Variants in TRIM25 observed in about 807,000 individuals in gnomAD.
TRIM25 encodes the protein tripartite motif containing 25.
In TRIM25, 45 loss-of-function variants were observed where a neutral mutation model predicts 65.2. The observed-to-expected ratio is 0.69, with a 90% CI of 0.54 to 0.89. TRIM25 has a LOEUF of 0.89. Ranked by LOEUF, TRIM25 falls within the 40% of genes least tolerant of loss-of-function variation. The pLI is 0.00. For missense variants in TRIM25, 714 were observed against 803.7 expected (o/e 0.89, Z 1.35); for synonymous variants, 321 against 340.4 (o/e 0.94, Z 0.63).
intron 2 of TRIM25, 127 bp downstream of exon 2, chr17:56,908,341 A>G: frequency 2.2e-6 from 2 of 901,420 alleles, no homozygotes; most frequent in Non-Finnish European, 3.5e-6. Context: ...TGCAAGGTTG[A>G]TGTTTCATCC....
intron 2 of TRIM25, among the ~76,000 whole-genome samples, chr17:56,906,227 C>T (rs1354060394): frequency 6.6e-6 from 1 of 152,130 alleles, no homozygotes; most frequent in East Asian, 1.9e-4. Flanking sequence ...CAGGGTTTGA[C>T]CTCCTTCTTC....
At chr17:56,912,137 G>A (rs915130843) in intron 1 of TRIM25, 2 of 152,238 alleles carry the variant, frequency 1.3e-5, no homozygotes, top group African/African-American at 4.8e-5. Context: ...CTGACAACAC[G>A]AAGACGGGTC....
chr17:56,895,513 T>C lies in TRIM25; in HGVS notation c.1264+8A>G. 1 of 1,613,384 alleles carries C rather than the reference T, an allele frequency of 6.2e-7. No homozygotes were observed. The highest frequency in any genetic ancestry group is 1.1e-5 in the South Asian group (1 of 91,032). On this transcript the variant is annotated splice_region_variant and intron_variant, in intron 7 of 8. Coordinates refer to ENST00000316881, the MANE Select transcript of TRIM25 (RefSeq NM_005082.5). ...ACACCCCAAAGCTCCTTGCCCATGA[T>C]AACTTACCCTCCAAGCCAGCTTGTT...
chr17:56,897,651 GATTCATTCCC>G (rs1365072915), intron 5 of TRIM25, among the ~76,000 whole-genome samples: 1 of 152,088 alleles, frequency 6.6e-6, no homozygotes, highest in African/African-American at 2.4e-5. Context: ...GAGGAGCCTT[GATTCATTCCC>G]GAACTTTATT....
At chr17:56,910,897 G>A (rs1198547464) in intron 1 of TRIM25, among the ~76,000 whole-genome samples, 1 of 152,226 alleles carries the variant, frequency 6.6e-6, no homozygotes, top group Non-Finnish European at 1.5e-5. Flanking sequence ...TCAAAAAGCA[G>A]ACCTGTTATA....
chr17:56,913,325 C>G lies in TRIM25; in HGVS notation c.597+67G>C. ...GCGTCCAGAGTGTGGCAGAGAGGCC[C>G]CCGGTGGCCCCTCTGCACCACCCAT... On this transcript the variant is annotated intron_variant, in intron 1 of 8. Coordinates refer to ENST00000316881, the MANE Select transcript of TRIM25 (RefSeq NM_005082.5). The surrounding 1 kb of genome is among the most constrained non-coding windows in gnomAD (Gnocchi z 6.1). 1.4e-6 allele frequency: 2 copies of G among 1,423,100 alleles called. No individual in the cohort carries two copies. The highest frequency in any genetic ancestry group is 1.4e-5 in the African/African-American group (1 of 69,012). 88.2% of individuals were successfully genotyped at this position (1,423,100 alleles called of 1,614,324 possible). A position where few individuals can be genotyped will look rare whatever the true frequency, so the allele number is the denominator to read the frequency against.
At chr17:56,910,137 C>T (rs1909598728) in intron 1 of TRIM25, among the ~76,000 whole-genome samples, 1 of 151,868 alleles carries the variant, frequency 6.6e-6, no homozygotes, top group South Asian at 2.1e-4. Flanking sequence ...CATGCCCAAA[C>T]TGAGCATGCT....
chr17:56,902,161 A>C (rs1411890993), intron 3 of TRIM25, among the ~76,000 whole-genome samples: 1 of 152,196 alleles, frequency 6.6e-6, no homozygotes, highest in Admixed American at 6.5e-5. Context: ...ACAGGAATGA[A>C]CACTTGGGAT....
At position 56,905,569 on chromosome 17, in the gene TRIM25, A is replaced by G. The variant is rs78645128; in HGVS notation, c.694-1081T>C. Among the ~76,000 whole-genome samples the G allele has an allele frequency of 5.8e-4, 88 of 152,284 alleles. No individual in the cohort carries two copies. The East Asian group carries it at 0.016, about 28-fold the overall frequency. ...ACTGGCTTTCAAGGGTTTCACACCAAAAAAAGGAATGTAAAATATCTTAAA... is the reference window on the plus strand; with the variant it reads ...ACTGGCTTTCAAGGGTTTCACACCAGAAAAAGGAATGTAAAATATCTTAAA... On this transcript the variant is annotated intron_variant, in intron 2 of 8. Coordinates refer to ENST00000316881, the MANE Select transcript of TRIM25 (RefSeq NM_005082.5).
chr17:56,908,307 A>C (rs1909559281), intron 2 of TRIM25, among the ~76,000 whole-genome samples, 161 bp downstream of exon 2: 1 of 152,224 alleles, frequency 6.6e-6, no homozygotes, highest in Admixed American at 6.5e-5. Flanking sequence ...GATCTCTCTC[A>C]GACACACAGC....
In TRIM25 at chr17:56,892,129, G is replaced by T; in HGVS notation, c.1464C>A (p.Tyr488Ter). 6.2e-7 allele frequency: 1 copy of T among 1,614,198 alleles called. No individual in the cohort carries two copies. The highest frequency in any genetic ancestry group is 8.5e-7 in the Non-Finnish European group (1 of 1,180,040). ...ATGTGAACCTCTGGGGATGCGGCCG[G>T]TAGTTCTGAGGCATCTCAGCCACAG... ...VASVAEMPQN[Y>*]RPHPQRFTYC... The change falls in exon 9 of 9, where the codon TAC becomes TAA. Residue 488 changes from tyrosine to a stop codon, truncating the protein, a stop_gained. Transcript: ENST00000316881. LOFTEE classifies it high-confidence loss of function.
chr17:56,894,096 C>A (rs1465779261), intron 8 of TRIM25, among the ~76,000 whole-genome samples: 1 of 152,188 alleles, frequency 6.6e-6, no homozygotes, highest in Non-Finnish European at 1.5e-5. Context: ...TTGAGAGCCA[C>A]CAATGTAGAA....
At chr17:56,912,611 C>T (rs1249258615) in intron 1 of TRIM25, 5 of 152,276 alleles carry the variant, frequency 3.3e-5, no homozygotes, top group Non-Finnish European at 7.3e-5. Context: ...GGATACGAGG[C>T]TGGTCCATGG....
intron 8 of TRIM25, among the ~76,000 whole-genome samples, chr17:56,892,783 C>T (rs1163361580): frequency 6.6e-6 from 1 of 152,198 alleles, no homozygotes; most frequent in African/African-American, 2.4e-5. Flanking sequence ...GATTCTGGCA[C>T]AAGATGCACA....
At chr17:56,901,607 C>A in intron 3 of TRIM25, 29 bp from the exon 4 acceptor site, 1 of 1,613,152 alleles carries the variant, frequency 6.2e-7, no homozygotes, top group Non-Finnish European at 8.5e-7. Flanking sequence ...TTAGTGCAGG[C>A]AGCTCTGGTG....
In TRIM25 at chr17:56,913,325, C is replaced by T; in HGVS notation, c.597+67G>A. ...GCGTCCAGAGTGTGGCAGAGAGGCC[C>T]CCGGTGGCCCCTCTGCACCACCCAT... On this transcript the variant is annotated intron_variant, in intron 1 of 8. Transcript: ENST00000316881. The surrounding 1 kb of genome is among the most constrained non-coding windows in gnomAD (Gnocchi z 6.1). 1 of 1,423,102 alleles carries T rather than the reference C, an allele frequency of 7.0e-7. No individual in the cohort carries two copies. The highest frequency in any genetic ancestry group is 1.4e-5 in the South Asian group (1 of 70,088). The allele number at this position is 1,423,102 out of a possible 1,614,324, so 88.2% of individuals were successfully genotyped here. A position where few individuals can be genotyped will look rare whatever the true frequency, so the allele number is the denominator to read the frequency against.
At chr17:56,909,549 G>A (rs1909586718) in intron 1 of TRIM25, among the ~76,000 whole-genome samples, 1 of 152,108 alleles carries the variant, frequency 6.6e-6, no homozygotes, top group Admixed American at 6.5e-5. Context: ...GCCAGGTGTG[G>A]TGGTGCACAC....
At chr17:56,908,732 C>T (rs1435991821) in intron 1 of TRIM25, 169 bp from the exon 2 acceptor site, 6 of 635,804 alleles carry the variant, frequency 9.4e-6, no homozygotes, top group South Asian at 1.8e-5. Context: ...CTTTTTGAAG[C>T]ATTCTAATAC....
intron 4 of TRIM25, 30 bp downstream of exon 4, chr17:56,901,389 G>C: frequency 6.2e-7 from 1 of 1,605,370 alleles, no homozygotes. Context: ...GGGTTCCACA[G>C]GGGGCAGCAT....
Sources: allele counts gnomAD v4.1 joint callset (sites outside exome capture counted in the v4.1 genomes callset), GRCh38; gene constraint gnomAD v4.1.1; non-coding constraint Gnocchi (gnomAD v3.1); transcripts MANE v1.5; gene names NCBI Gene and HGNC (gene_info 2026-07-23, HGNC 2026-07-21).